Variants in DOT1L observed in about 807,000 individuals in gnomAD.
DOT1L encodes DOT1 like histone lysine methyltransferase.
In DOT1L, 33 loss-of-function variants were observed where a neutral mutation model predicts 153.3. The ratio of observed to expected loss-of-function variants is 0.22; its 90% CI spans 0.16 to 0.29. The LOEUF (loss-of-function observed/expected upper bound fraction) is 0.29. Among genes scored for constraint, DOT1L ranks in the 10% least tolerant of loss-of-function variants. DOT1L has a pLI of 1.00. For synonymous variants in DOT1L, 1,135 were observed against 965.1 expected, an observed-to-expected ratio of 1.18 and a Z score of -3.26; for missense variants, 1,847 against 2,119.9, an observed-to-expected ratio of 0.87 and a Z score of 2.53.
chr19:2,206,892 A>C, intron 10 of DOT1L, 95 bp downstream of exon 10: 1 of 1,291,968 alleles, frequency 7.7e-7, no homozygotes, highest in Non-Finnish European at 1.1e-6. Context: ...CCCTGTGGAC[A>C]CTGGGGCTGG....
intron 1 of DOT1L, 44 bp downstream of exon 1, chr19:2,164,309 C>T: frequency 1.6e-6 from 2 of 1,221,614 alleles, no homozygotes; most frequent in Non-Finnish European, 2.1e-6. Flanking sequence ...GCCTCCCCTC[C>T]TCCGCCGCCC....
At chr19:2,200,505 C>T (rs1364810660) in intron 8 of DOT1L, among the ~76,000 whole-genome samples, 4 of 152,182 alleles carry the variant, frequency 2.6e-5, no homozygotes, top group East Asian at 1.9e-4. Context: ...GCTGGGCCCC[C>T]GTGCTTTCCA....
At chr19:2,189,565 A>G (rs1023736894) in intron 3 of DOT1L, among the ~76,000 whole-genome samples, 167 bp from the exon 4 acceptor site, 2 of 152,224 alleles carry the variant, frequency 1.3e-5, no homozygotes, top group Non-Finnish European at 2.9e-5. Context: ...AATCTCCTGC[A>G]TCAGGGCGGA....
chr19:2,222,813 G>T lies in DOT1L; in HGVS notation c.3390+254G>T. Reference sequence around the variant, plus strand: ...GCAGGAGAATGATGTGAACCCGGGAGGCGGGGCTTGCAGTGAACTGAGATC... The same window carrying T: ...GCAGGAGAATGATGTGAACCCGGGATGCGGGGCTTGCAGTGAACTGAGATC... On this transcript the variant is annotated intron_variant, in intron 24 of 27. Coordinates refer to ENST00000398665, the MANE Select transcript of DOT1L (RefSeq NM_032482.3). This position sits in a 1 kb window ranked among gnomAD's most constrained non-coding sequence, Gnocchi z 6.5. 2.0e-6 allele frequency: 1 copy of T among 492,712 alleles called. No homozygotes were observed. Among genetic ancestry groups the T allele is most frequent in the South Asian group, 3.4e-5 (1 of 29,776 alleles). 30.5% of individuals were successfully genotyped at this position (492,712 alleles called of 1,614,324 possible).
At chr19:2,206,675 C>G (rs1293336462) in intron 9 of DOT1L, 54 bp from the exon 10 acceptor site, 1 of 1,576,442 alleles carries the variant, frequency 6.3e-7, no homozygotes, top group African/African-American at 1.4e-5. Flanking sequence ...TGAGTGGTGT[C>G]TGCTCTTCTG....
rs368726009 is a variant in DOT1L at position 2,225,749 on chromosome 19, C to T, written c.3661+297C>T. Among the ~76,000 whole-genome samples the T allele has an allele frequency of 1.5e-4, 23 of 152,288 alleles. 1 individual carries two copies. Among genetic ancestry groups the T allele is most frequent in the East Asian group, 1.4e-3 (7 of 5,174 alleles). Reference sequence around the variant, plus strand: ...CCTGCGGGGATCGTCACCTTGGGTCCCCTGTTTGCTTTGCACCCTGGCCTT... The same window carrying T: ...CCTGCGGGGATCGTCACCTTGGGTCTCCTGTTTGCTTTGCACCCTGGCCTT... On this transcript the variant is annotated intron_variant, in intron 26 of 27. Transcript: ENST00000398665.
intron 16 of DOT1L, chr19:2,212,532 C>G (rs1213025962): frequency 6.6e-6 from 1 of 152,222 alleles, no homozygotes; most frequent in African/African-American, 2.4e-5. Context: ...AGGGACTGTT[C>G]AAGTATTTGA....
chr19:2,187,362 G>A (rs1341876196), intron 3 of DOT1L, among the ~76,000 whole-genome samples: 12 of 152,228 alleles, frequency 7.9e-5, no homozygotes, highest in Non-Finnish European at 1.6e-4. Flanking sequence ...GCCCCTCCAC[G>A]TGGGTGTGTG....
At chr19:2,179,239 C>G (rs984006230) in intron 1 of DOT1L, among the ~76,000 whole-genome samples, 1 of 152,166 alleles carries the variant, frequency 6.6e-6, no homozygotes, top group South Asian at 2.1e-4. Context: ...TTGGGAGGCT[C>G]GTGGCGGCTG....
At chr19:2,166,777 A>G (rs1258753365) in intron 1 of DOT1L, among the ~76,000 whole-genome samples, 2 of 152,146 alleles carry the variant, frequency 1.3e-5, no homozygotes, top group African/African-American at 2.4e-5. Flanking sequence ...TGCAGGGTAC[A>G]GTTCTATACG....
At position 2,220,859 on chromosome 19, in the gene DOT1L, G is replaced by A. The variant is rs575716069; in HGVS notation, c.2806+637G>A. On this transcript the variant is annotated intron_variant, in intron 23 of 27. Transcript: ENST00000398665. This position sits in a 1 kb window ranked among gnomAD's most constrained non-coding sequence, Gnocchi z 4.5. Reference sequence around the variant, plus strand: ...CCCAGGTTGAGATGCGGTATGATGCGGCAGCTACTTTTTTAGGAGTAAAAA... The same window carrying A: ...CCCAGGTTGAGATGCGGTATGATGCAGCAGCTACTTTTTTAGGAGTAAAAA... The A allele has an allele frequency of 4.7e-4, 136 of 288,952 alleles. 1 individual carries two copies. Among genetic ancestry groups the A allele is most frequent in the African/African-American group, 2.6e-3 (117 of 45,440 alleles). 17.9% of individuals were successfully genotyped at this position (288,952 alleles called of 1,614,324 possible).
At chr19:2,209,059 CA>C in intron 12 of DOT1L, 83 bp downstream of exon 12, 2 of 1,498,290 alleles carry the variant, frequency 1.3e-6, no homozygotes. Context: ...CAGCCGGGTT[CA>C]GGAGCCACGA....
chr19:2,179,829 G>A (rs1424250154), intron 1 of DOT1L, among the ~76,000 whole-genome samples: 1 of 152,234 alleles, frequency 6.6e-6, no homozygotes, highest in Non-Finnish European at 1.5e-5. Context: ...GGCTCTCGCT[G>A]TTTCCCAGGC....
rs990953270 is a variant in DOT1L at position 2,216,006 on chromosome 19, A to G, written c.1924-275A>G. 6.7e-5 allele frequency: 28 copies of G among 417,430 alleles called. 1 individual carries two copies. In the South Asian group the frequency reaches 7.5e-4, roughly 11 times the overall value. The allele number at this position is 417,430 out of a possible 1,614,324, so 25.9% of individuals were successfully genotyped here. On this transcript the variant is annotated intron_variant, in intron 19 of 27. Transcript: ENST00000398665. ...ACTGGATGTTTTACACTTAGAGTCTATTTTGAGAGACGAGAGCTCTTTGTA... is the reference window on the plus strand; with the variant it reads ...ACTGGATGTTTTACACTTAGAGTCTGTTTTGAGAGACGAGAGCTCTTTGTA...
At position 2,216,757 on chromosome 19, in the gene DOT1L, G is replaced by A. The variant is rs2144870353; in HGVS notation, c.2400G>A (p.Leu800=). The part of the protein sequence containing the change: ...TVPGRPAASE[L]HSRAEHTKEN... Reference sequence around the variant, plus strand: ...CCGGCAGGCCGGCTGCCAGTGAGCTGCATTCGAGGTGAGTGCCCTGGTGGG... The same window carrying A: ...CCGGCAGGCCGGCTGCCAGTGAGCTACATTCGAGGTGAGTGCCCTGGTGGG... Residue 800 remains leucine, a synonymous_variant, in exon 20 of 28, where the codon CTG becomes CTA. Transcript: ENST00000398665. The A allele has an allele frequency of 6.3e-7, 1 of 1,590,338 alleles. No homozygotes were observed. Among genetic ancestry groups the A allele is most frequent in the Non-Finnish European group, 8.5e-7 (1 of 1,172,664 alleles).
chr19:2,223,100 C>T (rs900519510), intron 24 of DOT1L, among the ~76,000 whole-genome samples, 181 bp from the exon 25 acceptor site: 3 of 150,238 alleles, frequency 2.0e-5, no homozygotes, highest in Non-Finnish European at 4.4e-5. Context: ...TCTGGGATTG[C>T]GGGGTGGTGT....
chr19:2,186,628 T>C lies in DOT1L; in HGVS notation c.200+699T>C, dbSNP rs140823609. 2.8e-4 allele frequency among the ~76,000 whole-genome samples: 42 copies of C among 152,306 alleles called. 1 individual carries two copies. The highest frequency in any genetic ancestry group is 9.9e-4 in the African/African-American group (41 of 41,588). Reference sequence around the variant, plus strand: ...ACTTTACCTGGCTCTCCGGCCTCACTGGCATGTGGGAGGGACTCTTGTCTG... The same window carrying C: ...ACTTTACCTGGCTCTCCGGCCTCACCGGCATGTGGGAGGGACTCTTGTCTG... On this transcript the variant is annotated intron_variant, in intron 3 of 27. Transcript: ENST00000398665.
chr19:2,203,163 C>T (rs574930368), intron 9 of DOT1L, among the ~76,000 whole-genome samples: 5 of 152,264 alleles, frequency 3.3e-5, no homozygotes, highest in African/African-American at 4.8e-5. Flanking sequence ...AGTGCAGTGG[C>T]GCGATCTCAG....
rs1279414611 is a variant in DOT1L at position 2,232,071 on chromosome 19, C to G, written c.*2279C>G. 1 of 211,442 alleles carries G rather than the reference C, an allele frequency of 4.7e-6. No individual in the cohort carries two copies. Among genetic ancestry groups the G allele is most frequent in the Admixed American group, 5.9e-5 (1 of 16,946 alleles). 13.1% of individuals were successfully genotyped at this position (211,442 alleles called of 1,614,324 possible). ...TGGTGTGTGGCGGGTGGCAGGGTGG[C>G]TGTGGAGACTGGGGATCTGGAGCCT... On this transcript the variant is annotated 3_prime_UTR_variant, in exon 28 of 28. Coordinates refer to ENST00000398665, the MANE Select transcript of DOT1L (RefSeq NM_032482.3).
Sources: allele counts gnomAD v4.1 joint callset (sites outside exome capture counted in the v4.1 genomes callset), GRCh38; gene constraint gnomAD v4.1.1; non-coding constraint Gnocchi (gnomAD v3.1); transcripts MANE v1.5; gene names NCBI Gene and HGNC (gene_info 2026-07-23, HGNC 2026-07-21).